NOX4: variants seen among roughly 807,000 people sequenced by gnomAD.
NOX4 encodes kidney oxidase-1.
A neutral mutation model predicts 87.6 loss-of-function variants in NOX4; 69 were observed. The observed-to-expected ratio is 0.79, with a 90% confidence interval of 0.65 to 0.96. NOX4 has a LOEUF of 0.96. Among genes scored for constraint, NOX4 ranks in the 40% least tolerant of loss-of-function variants. The pLI, the probability that NOX4 is intolerant of heterozygous loss-of-function variation, is 0.00. For synonymous variants in NOX4, 275 were observed against 238.2 expected (o/e 1.15, Z -1.42); for missense variants, 680 against 681.5 (o/e 1.00, Z 0.02).
chr11:89,580,369 A>G, the NOX4 span, among the ~76,000 whole-genome samples: 1 of 151,976 alleles, frequency 6.6e-6, no homozygotes, highest in Non-Finnish European at 1.5e-5. Context: ...TTTTGTAGAG[A>G]TGAGGTCTCA....
At chr11:89,420,696 T>G (rs1943036667) in intron 8 of NOX4, among the ~76,000 whole-genome samples, 1 of 152,190 alleles carries the variant, frequency 6.6e-6, no homozygotes, top group South Asian at 2.1e-4. Context: ...TAAATTACAT[T>G]ATAAAACATT....
intron 12 of NOX4, among the ~76,000 whole-genome samples, chr11:89,361,507 G>A (rs1364646673): frequency 6.6e-6 from 1 of 152,060 alleles, no homozygotes; most frequent in Admixed American, 6.6e-5. Context: ...TGGGTACAGT[G>A]TACATTGCTT....
chr11:89,332,681 C>G (rs940778850), intron 17 of NOX4, among the ~76,000 whole-genome samples: 1 of 151,868 alleles, frequency 6.6e-6, no homozygotes, highest in African/African-American at 2.4e-5. Context: ...AAGATTGCCA[C>G]TCTTTATCTG....
intron 12 of NOX4, among the ~76,000 whole-genome samples, chr11:89,373,077 T>C (rs1248667996): frequency 1.3e-5 from 2 of 151,572 alleles, no homozygotes; most frequent in African/African-American, 4.8e-5. Context: ...CAATATCAGG[T>C]GTTGATTATT....
chr11:89,391,211 G>A (rs11018598), intron 11 of NOX4, among the ~76,000 whole-genome samples: 5,213 of 152,090 alleles, frequency 0.034, 170 homozygotes, highest in East Asian at 0.13. Context: ...TTAATGACTG[G>A]TGTTGAAGAG....
chr11:89,454,224 G>A (rs1354814318), intron 2 of NOX4, among the ~76,000 whole-genome samples: 7 of 152,014 alleles, frequency 4.6e-5, no homozygotes, highest in Admixed American at 4.6e-4. Flanking sequence ...AACCCCTCAA[G>A]ACCAGGGTAA....
chr11:89,547,115 T>C, the NOX4 span, among the ~76,000 whole-genome samples: 1 of 152,172 alleles, frequency 6.6e-6, no homozygotes, highest in African/African-American at 2.4e-5. Context: ...TGTCCTTCTC[T>C]CTGCAGCCTT....
At chr11:89,373,837 AC>A (rs1939641382) in intron 11 of NOX4, among the ~76,000 whole-genome samples, 1 of 152,094 alleles carries the variant, frequency 6.6e-6, no homozygotes, top group Non-Finnish European at 1.5e-5. Context: ...AAAGGAAGAA[AC>A]AAAAACTAAT....
chr11:89,517,790 A>G, the NOX4 span, among the ~76,000 whole-genome samples: 1 of 152,054 alleles, frequency 6.6e-6, no homozygotes, highest in African/African-American at 2.4e-5. Flanking sequence ...ATGAGGAAAT[A>G]AACACCATTA....
At chr11:89,332,181 T>G (rs1945503389) in intron 17 of NOX4, among the ~76,000 whole-genome samples, 1 of 144,994 alleles carries the variant, frequency 6.9e-6, no homozygotes, top group South Asian at 2.1e-4. Context: ...GAGAGCTTAT[T>G]CACTCGTTGT....
chr11:89,534,164 A>AT, the NOX4 span: 1 of 152,254 alleles, frequency 6.6e-6, no homozygotes, highest in Non-Finnish European at 1.5e-5. Context: ...ATGCCTAGAC[A>AT]TTCTGAAGAA....
intron 2 of NOX4, among the ~76,000 whole-genome samples, chr11:89,460,368 A>G (rs1006557272): frequency 6.6e-6 from 1 of 152,200 alleles, no homozygotes; most frequent in Non-Finnish European, 1.5e-5. Context: ...ATCAGAGTGA[A>G]CAGGCAACCT....
intron 12 of NOX4, among the ~76,000 whole-genome samples, chr11:89,365,216 A>T (rs2135022462): frequency 6.6e-6 from 1 of 152,224 alleles, no homozygotes; most frequent in South Asian, 2.1e-4. Flanking sequence ...GGATCCTTTT[A>T]TTTCCAGGGG....
intron 12 of NOX4, among the ~76,000 whole-genome samples, chr11:89,365,284 T>C (rs561687528): frequency 2.0e-5 from 3 of 152,132 alleles, no homozygotes; most frequent in Non-Finnish European, 4.4e-5. Context: ...CTTATTTGTT[T>C]AACACTTTAT....
At chr11:89,388,254 C>A (rs1940858805) in intron 11 of NOX4, among the ~76,000 whole-genome samples, 1 of 152,138 alleles carries the variant, frequency 6.6e-6, no homozygotes, top group Non-Finnish European at 1.5e-5. Flanking sequence ...CAACCTCTGC[C>A]CAACTTCCAG....
the NOX4 span, among the ~76,000 whole-genome samples, chr11:89,508,402 T>C: frequency 1.3e-5 from 2 of 152,104 alleles, no homozygotes; most frequent in African/African-American, 4.8e-5. Context: ...ATGGTAATTT[T>C]AATCACCAGT....
chr11:89,432,558 C>T (rs1943857910), intron 7 of NOX4, among the ~76,000 whole-genome samples: 1 of 152,074 alleles, frequency 6.6e-6, no homozygotes, highest in South Asian at 2.1e-4. Flanking sequence ...TTTTGATCAT[C>T]AAATGCAGTC....
At chr11:89,461,422 A>G (rs1050519386) in intron 2 of NOX4, among the ~76,000 whole-genome samples, 4 of 152,020 alleles carry the variant, frequency 2.6e-5, no homozygotes, top group African/African-American at 9.7e-5. Flanking sequence ...AGGCTGGCGG[A>G]TCATGAGGTC....
chr11:89,333,224 T>G (rs1945550176), intron 17 of NOX4, among the ~76,000 whole-genome samples: 1 of 151,692 alleles, frequency 6.6e-6, no homozygotes, highest in African/African-American at 2.4e-5. Flanking sequence ...TTGTCCATGA[T>G]CAAAAGAAGC....
Sources: allele counts gnomAD v4.1 joint callset (sites outside exome capture counted in the v4.1 genomes callset), GRCh38; gene constraint gnomAD v4.1.1; transcripts MANE v1.5; gene names NCBI Gene and HGNC (gene_info 2026-07-23, HGNC 2026-07-21).